Variants in RELN observed in about 807,000 individuals in gnomAD.
RELN encodes the protein reelin.
In RELN, 108 loss-of-function variants were observed where a neutral mutation model predicts 427.6. That is an observed-to-expected ratio of 0.25 (90% CI 0.22 to 0.30). RELN has a LOEUF of 0.30. RELN is among the 10% of genes least tolerant of loss of function. The probability of loss-of-function intolerance (pLI) is 1.00; values close to 1 mark genes in which losing one functional copy is unlikely to be tolerated. For synonymous variants in RELN, 1,524 were observed against 1,513.4 expected (o/e 1.01, Z -0.16); for missense variants, 3,715 against 4,302.8 (o/e 0.86, Z 3.82).
At chr7:103,855,343 G>A (rs534689993) in intron 2 of RELN, among the ~76,000 whole-genome samples, 57 of 152,300 alleles carry the variant, frequency 3.7e-4, no homozygotes, top group South Asian at 1.7e-3. Flanking sequence ...CATCACTTGC[G>A]TCACTAAAGA....
intron 2 of RELN, among the ~76,000 whole-genome samples, chr7:103,856,359 C>A (rs1793944061): frequency 6.6e-6 from 1 of 151,790 alleles, no homozygotes; most frequent in South Asian, 2.1e-4. Flanking sequence ...AGGTGGATCA[C>A]CTGAGTTCAA....
chr7:103,904,911 A>G (rs1468290482), intron 2 of RELN, among the ~76,000 whole-genome samples: 2 of 151,778 alleles, frequency 1.3e-5, no homozygotes, highest in African/African-American at 4.8e-5. Context: ...CTAATAATGT[A>G]ACATTAAGAC....
chr7:103,827,201 C>T (rs1584273025), intron 3 of RELN, among the ~76,000 whole-genome samples: 1 of 151,938 alleles, frequency 6.6e-6, no homozygotes. Flanking sequence ...GAAAATTTTC[C>T]CATGTTAGTA....
intron 16 of RELN, among the ~76,000 whole-genome samples, chr7:103,649,261 A>G (rs1289296695): frequency 6.6e-6 from 1 of 152,082 alleles, no homozygotes; most frequent in Non-Finnish European, 1.5e-5. Context: ...AGCCATGAAA[A>G]AGAATGAAAT....
intron 1 of RELN, among the ~76,000 whole-genome samples, chr7:103,973,865 A>T (rs548072754): frequency 2.4e-4 from 37 of 152,326 alleles, no homozygotes; most frequent in African/African-American, 8.7e-4. Context: ...ATACTCAGCC[A>T]GGTGTGGTGG....
At chr7:103,549,836 C>A (rs989876721) in intron 41 of RELN, among the ~76,000 whole-genome samples, 7 of 152,160 alleles carry the variant, frequency 4.6e-5, no homozygotes, top group African/African-American at 1.4e-4. Context: ...AATAATACAA[C>A]CATTTCGAAT....
At chr7:103,661,252 G>A in intron 12 of RELN, 124 bp downstream of exon 12, 1 of 1,069,766 alleles carries the variant, frequency 9.3e-7, no homozygotes, top group Non-Finnish European at 1.4e-6. Context: ...GCTCTGTCTG[G>A]AGAGCTCACG....
chr7:103,714,567 T>C (rs374894617), intron 8 of RELN, among the ~76,000 whole-genome samples: 1 of 152,214 alleles, frequency 6.6e-6, no homozygotes, highest in Non-Finnish European at 1.5e-5. Context: ...CATCCCACCA[T>C]GCAGAGCAGC....
chr7:103,811,004 T>A (rs1004435650), intron 3 of RELN, among the ~76,000 whole-genome samples: 2 of 152,244 alleles, frequency 1.3e-5, no homozygotes, highest in Non-Finnish European at 2.9e-5. Flanking sequence ...AAGTTACTAA[T>A]GAAAATAAAT....
intron 1 of RELN, among the ~76,000 whole-genome samples, chr7:103,986,588 C>T (rs1242452998): frequency 1.5e-5 from 2 of 137,436 alleles, no homozygotes; most frequent in Non-Finnish European, 3.0e-5. Flanking sequence ...ATGTTAGGTG[C>T]TATTGTGCAC....
intron 3 of RELN, among the ~76,000 whole-genome samples, chr7:103,809,562 TAGAAAA>T: frequency 6.6e-6 from 1 of 152,216 alleles, no homozygotes; most frequent in African/African-American, 2.4e-5. Context: ...TATAAATGCT[TAGAAAA>T]CAAAGCAAGT....
intron 11 of RELN, among the ~76,000 whole-genome samples, chr7:103,681,683 A>T (rs1252798169): frequency 6.6e-6 from 1 of 152,104 alleles, no homozygotes; most frequent in African/African-American, 2.4e-5. Flanking sequence ...TGGAAGACAA[A>T]TTTTATCCCC....
intron 63 of RELN, among the ~76,000 whole-genome samples, chr7:103,479,374 CTTGA>C (rs1804891835): frequency 6.6e-6 from 1 of 152,148 alleles, no homozygotes; most frequent in Non-Finnish European, 1.5e-5. Context: ...GTTTCTGACA[CTTGA>C]TTGTCAATGA....
chr7:103,604,740 G>A (rs1831773341), intron 22 of RELN, among the ~76,000 whole-genome samples: 1 of 151,880 alleles, frequency 6.6e-6, no homozygotes, highest in Non-Finnish European at 1.5e-5. Flanking sequence ...CACAGTATCA[G>A]ATTTTGTTGG....
intron 2 of RELN, among the ~76,000 whole-genome samples, chr7:103,850,642 C>T (rs1315825053): frequency 6.6e-6 from 1 of 152,188 alleles, no homozygotes. Context: ...GCAGACTTCA[C>T]AGACGGGGGA....
chr7:103,537,920 C>A (rs362713), intron 45 of RELN, among the ~76,000 whole-genome samples: 35,694 of 152,132 alleles, frequency 0.23, 5,167 homozygotes, highest in African/African-American at 0.4. Flanking sequence ...CTTAGATTGG[C>A]CAACCATTGG....
At chr7:103,655,110 T>TC (rs1832999097) in intron 12 of RELN, among the ~76,000 whole-genome samples, 1 of 152,018 alleles carries the variant, frequency 6.6e-6, no homozygotes, top group South Asian at 2.1e-4. Context: ...CCACGCCTAG[T>TC]CCCAGTCAAC....
chr7:103,538,932 T>A lies in RELN; in HGVS notation c.7180+146A>T, dbSNP rs1260940971. The A allele has an allele frequency of 1.4e-5, 12 of 858,310 alleles. No homozygotes were observed. The East Asian group carries it at 3.2e-4, about 23-fold the overall frequency. The allele number at this position is 858,310 out of a possible 1,614,324, so 53.2% of individuals were successfully genotyped here. ...TCAGTTTTTTAATACATGCAGTATT[T>A]TCAAGAGTACAGTGTGGTTTGACTC... is the stretch of plus-strand genomic sequence containing the variant. On this transcript the variant is annotated intron_variant, in intron 45 of 64. Coordinates refer to ENST00000428762, the MANE Select transcript of RELN (RefSeq NM_005045.4).
Position 103,917,080 on chromosome 7 carries a change from C to G in RELN, c.332G>C (p.Gly111Ala). The G allele has an allele frequency of 6.2e-7, 1 of 1,612,518 alleles. No homozygotes were observed. The change falls in exon 2 of 65, where the codon GGA becomes GCA. Residue 111 changes from glycine (G) to alanine (A), a missense_variant. Physicochemically the swap from Gly to Ala is moderately conservative, Grantham distance 60 (BLOSUM62 0). This residue lies in a region of RELN where 2,208 missense variants were observed against 2,361.7 expected (regional missense o/e 0.93). Transcript: ENST00000428762. ...GGTTTGTGAGAATAGCTTACCAAATCCGAAAGCACTGGAACCTCCAATGCT... is the reference window on the plus strand; with the variant it reads ...GGTTTGTGAGAATAGCTTACCAAATGCGAAAGCACTGGAACCTCCAATGCT... ...SQSIGGSSAF[G>A]FGIMSDHQFG...
Sources: allele counts gnomAD v4.1 joint callset (sites outside exome capture counted in the v4.1 genomes callset), GRCh38; gene constraint gnomAD v4.1.1; regional missense constraint gnomAD v4.1.1; transcripts MANE v1.5; gene names NCBI Gene and HGNC (gene_info 2026-07-23, HGNC 2026-07-21).